Variants in C8orf34 observed in about 807,000 individuals in gnomAD.
The protein encoded by C8orf34 is chromosome 8 open reading frame 34.
A neutral mutation model predicts 68.3 loss-of-function variants in C8orf34; 65 were observed. The observed-to-expected ratio is 0.95, with a 90% CI of 0.78 to 1.17. The LOEUF is 1.17. Among genes scored for constraint, C8orf34 ranks in the 50% most tolerant of loss-of-function variants. The pLI, the probability that C8orf34 is intolerant of heterozygous loss-of-function variation, is 0.00. For synonymous variants in C8orf34, 244 were observed against 241.2 expected, an observed-to-expected ratio of 1.01 and a Z score of -0.11; for missense variants, 664 against 655.4, an observed-to-expected ratio of 1.01 and a Z score of -0.14.
intron 8 of C8orf34, among the ~76,000 whole-genome samples, chr8:68,701,824 C>T (rs1406973618): frequency 6.6e-6 from 1 of 152,050 alleles, no homozygotes; most frequent in African/African-American, 2.4e-5. Context: ...TTCCTCCCCT[C>T]ATTCAAGCCA....
chr8:68,606,713 A>C (rs571381700), intron 7 of C8orf34, among the ~76,000 whole-genome samples: 3 of 152,022 alleles, frequency 2.0e-5, no homozygotes, highest in Non-Finnish European at 4.4e-5. Context: ...GGCAATGATC[A>C]CTGGATTTTT....
chr8:68,681,036 T>C (rs1820354275), intron 8 of C8orf34, among the ~76,000 whole-genome samples: 1 of 152,164 alleles, frequency 6.6e-6, no homozygotes, highest in African/African-American at 2.4e-5. Flanking sequence ...TGTCCATTTA[T>C]AGGCTCTCTG....
chr8:68,414,027 G>C (rs953854593), intron 1 of C8orf34, among the ~76,000 whole-genome samples: 1 of 152,032 alleles, frequency 6.6e-6, no homozygotes, highest in African/African-American at 2.4e-5. Context: ...CAATACCCTG[G>C]AGCCTTTGCA....
chr8:68,616,605 TGA>T (rs1374638383), intron 7 of C8orf34, among the ~76,000 whole-genome samples: 1 of 152,148 alleles, frequency 6.6e-6, no homozygotes, highest in Non-Finnish European at 1.5e-5. Flanking sequence ...CAGTTTTGAG[TGA>T]GTTTCTTAAT....
intron 3 of C8orf34, among the ~76,000 whole-genome samples, chr8:68,465,212 A>C (rs1812059556): frequency 6.6e-6 from 1 of 152,114 alleles, no homozygotes. Context: ...GCTCACCATC[A>C]CTGGCCATCA....
At chr8:68,688,867 C>G (rs1427710935) in intron 8 of C8orf34, among the ~76,000 whole-genome samples, 1 of 151,948 alleles carries the variant, frequency 6.6e-6, no homozygotes, top group Non-Finnish European at 1.5e-5. Flanking sequence ...AGACAAATAG[C>G]TAATGCAGTT....
chr8:68,360,332 G>A (rs1405300038), intron 1 of C8orf34, among the ~76,000 whole-genome samples: 3 of 152,140 alleles, frequency 2.0e-5, no homozygotes, highest in Non-Finnish European at 4.4e-5. Context: ...TATTTATCAT[G>A]TCATGTCTCT....
At chr8:68,498,045 C>T (rs2129632337) in intron 5 of C8orf34, among the ~76,000 whole-genome samples, 1 of 152,278 alleles carries the variant, frequency 6.6e-6, no homozygotes, top group African/African-American at 2.4e-5. Context: ...TCAGGCTGCT[C>T]TCGACCTCCC....
intron 6 of C8orf34, among the ~76,000 whole-genome samples, chr8:68,524,506 C>G (rs1288063003): frequency 2.6e-5 from 4 of 152,096 alleles, no homozygotes. Flanking sequence ...CTTAGATTCT[C>G]AAAGCAGTTC....
intron 7 of C8orf34, among the ~76,000 whole-genome samples, chr8:68,536,853 G>T (rs775289379): frequency 3.3e-5 from 5 of 151,996 alleles, no homozygotes; most frequent in African/African-American, 1.2e-4. Flanking sequence ...TTGCGACAAG[G>T]TGATTGCAAG....
At chr8:68,793,283 G>A (rs183436302) in intron 12 of C8orf34, among the ~76,000 whole-genome samples, 166 of 152,260 alleles carry the variant, frequency 1.1e-3, no homozygotes, top group African/African-American at 3.7e-3. Context: ...ACTTCCAAAA[G>A]GCTGAGAGTA....
chr8:68,537,585 A>G (rs1310532030), intron 7 of C8orf34, among the ~76,000 whole-genome samples: 1 of 151,838 alleles, frequency 6.6e-6, no homozygotes, highest in Admixed American at 6.6e-5. Flanking sequence ...TAGAGTAGAA[A>G]AAATCACATA....
At chr8:68,798,665 T>C (rs1167156818) in intron 12 of C8orf34, among the ~76,000 whole-genome samples, 2 of 152,238 alleles carry the variant, frequency 1.3e-5, no homozygotes, top group East Asian at 3.8e-4. Flanking sequence ...CAATTTTTCA[T>C]TATAATACTG....
intron 7 of C8orf34, among the ~76,000 whole-genome samples, chr8:68,594,589 C>G (rs1203130000): frequency 6.6e-6 from 1 of 151,992 alleles, no homozygotes; most frequent in Non-Finnish European, 1.5e-5. Flanking sequence ...TCAACCCTCC[C>G]TAAAAATATT....
At chr8:68,334,399 T>C (rs1478445410) in intron 1 of C8orf34, among the ~76,000 whole-genome samples, 1 of 151,586 alleles carries the variant, frequency 6.6e-6, no homozygotes, top group African/African-American at 2.4e-5. Context: ...TAAGATGTAA[T>C]GGTTTACATC....
intron 4 of C8orf34, among the ~76,000 whole-genome samples, chr8:68,481,423 C>G (rs1329645401): frequency 1.3e-5 from 2 of 152,168 alleles, no homozygotes; most frequent in Non-Finnish European, 1.5e-5. Context: ...TGGGGCACCA[C>G]CTAGTGGAGC....
At chr8:68,466,751 A>G (rs1018938594) in intron 3 of C8orf34, among the ~76,000 whole-genome samples, 5 of 44,816 alleles carry the variant, frequency 1.1e-4, no homozygotes, top group African/African-American at 2.3e-4. Context: ...ATATATATAT[A>G]TATATATATA....
intron 7 of C8orf34, among the ~76,000 whole-genome samples, chr8:68,581,574 C>T (rs2117492): frequency 0.2 from 30,627 of 152,026 alleles, 3,885 homozygotes; most frequent in African/African-American, 0.36. Flanking sequence ...GATGGAAAAG[C>T]AAAAGTCAGG....
chr8:68,591,240 T>G (rs1817380688), intron 7 of C8orf34, among the ~76,000 whole-genome samples: 1 of 152,174 alleles, frequency 6.6e-6, no homozygotes, highest in Non-Finnish European at 1.5e-5. Context: ...TATTGATAGC[T>G]TCTTTGCTTC....
Sources: gnomAD v4.1 joint callset for allele counts (sites outside exome capture counted in the v4.1 genomes callset) on GRCh38, gnomAD v4.1.1 for gene constraint, MANE v1.5 for transcripts, NCBI Gene and HGNC (gene_info 2026-07-23, HGNC 2026-07-21) for gene names.